NOS1: variants seen among roughly 807,000 people sequenced by gnomAD.
NOS1 encodes NOS type I.
A neutral mutation model predicts 164.5 loss-of-function variants in NOS1; 51 were observed. That is an observed-to-expected ratio of 0.31 (90% confidence interval 0.25 to 0.39). The LOEUF (loss-of-function observed/expected upper bound fraction) is 0.39. NOS1 is among the 10% of genes least tolerant of loss of function. The probability of loss-of-function intolerance (pLI) is 1.00; values close to 1 mark genes in which losing one functional copy is unlikely to be tolerated. For synonymous variants in NOS1, 719 were observed against 745.8 expected, an observed-to-expected ratio of 0.96 and a Z score of 0.59; for missense variants, 1,362 against 1,885.6, an observed-to-expected ratio of 0.72 and a Z score of 5.14.
In NOS1 at chr12:117,298,277, G is replaced by C. The variant is rs572104231; in HGVS notation, c.853-7851C>G. 2.0e-5 allele frequency among the ~76,000 whole-genome samples: 3 copies of C among 152,056 alleles called. No individual in the cohort carries two copies. In the South Asian group the frequency reaches 6.3e-4, roughly 32 times the overall value. On this transcript the variant is annotated intron_variant, in intron 3 of 28. Transcript: ENST00000317775. ...GCAGGTGCAGTTCACAGTAGGGTAC[G>C]AGCTCCTATGAGAATCTAAGGCCAC...
In NOS1 at chr12:117,234,665, G is replaced by T. The variant is rs776576443; in HGVS notation, c.3135C>A (p.His1045Gln). The change falls in exon 21 of 29, where the codon CAC becomes CAA. Residue 1045 changes from histidine (H) to glutamine (Q), a missense_variant. By Grantham distance (24) the His-to-Gln change is conservative. Coordinates refer to ENST00000317775, the MANE Select transcript of NOS1 (RefSeq NM_000620.5). This position sits in a 1 kb window ranked among gnomAD's most constrained non-coding sequence, Gnocchi z 4.3. Reference protein sequence around the residue: ...GDHLGVFPGNHEDLVNALIER... With the variant: ...GDHLGVFPGNQEDLVNALIER... ...CGATCAGGGCATTCACGAGGTCCTC[G>T]TGGTTGCCAGGGAAGACACCCAGGT... 3.1e-6 allele frequency: 5 copies of T among 1,614,182 alleles called. No individual in the cohort carries two copies. The South Asian group carries it at 5.5e-5, about 18-fold the overall frequency.
intron 2 of NOS1, among the ~76,000 whole-genome samples, chr12:117,327,273 C>T (rs919154131): frequency 6.6e-5 from 10 of 152,064 alleles, no homozygotes; most frequent in Non-Finnish European, 1.5e-4. Flanking sequence ...CACTGAGGGA[C>T]AGGGAGGGTG....
chr12:117,213,658 C>T lies in NOS1; in HGVS notation c.*1651G>A. The T allele has an allele frequency of 5.1e-6, 5 of 985,402 alleles. No individual in the cohort carries two copies. Among genetic ancestry groups the T allele is most frequent in the Non-Finnish European group, 6.0e-6 (5 of 829,944 alleles). 61.0% of individuals were successfully genotyped at this position (985,402 alleles called of 1,614,324 possible). A position where few individuals can be genotyped will look rare whatever the true frequency, so the allele number is the denominator to read the frequency against. ...TTTAGCAGACACCCAAACTGAACAA[C>T]AAGATATGCCCACGTACAGTATATA... On this transcript the variant is annotated 3_prime_UTR_variant, in exon 29 of 29. Coordinates refer to ENST00000317775, the MANE Select transcript of NOS1 (RefSeq NM_000620.5).
intron 1 of NOS1, among the ~76,000 whole-genome samples, chr12:117,338,768 TC>T (rs1318499029): frequency 2.0e-5 from 3 of 152,132 alleles, no homozygotes; most frequent in Non-Finnish European, 4.4e-5. Context: ...TAAAGGTTAT[TC>T]TGGAGGAAAC....
intron 7 of NOS1, among the ~76,000 whole-genome samples, chr12:117,282,582 A>G (rs1384577097): frequency 1.3e-5 from 2 of 152,094 alleles, no homozygotes; most frequent in Non-Finnish European, 1.5e-5. Flanking sequence ...CTTGCTCTCT[A>G]CACAAGACAA....
chr12:117,359,879 TATATATATATATATATA>T (rs1877044162), intron 1 of NOS1, among the ~76,000 whole-genome samples: 2 of 24,092 alleles, frequency 8.3e-5, no homozygotes, highest in African/African-American at 2.0e-4. Context: ...AATGGTTTTA[TATATATATATATATATA>T]TATATATATA....
chr12:117,339,355 C>T (rs1232998007), intron 1 of NOS1, among the ~76,000 whole-genome samples: 3 of 152,310 alleles, frequency 2.0e-5, no homozygotes, highest in South Asian at 2.1e-4. Flanking sequence ...GTTACAAGCA[C>T]GAGCATTAAT....
chr12:117,264,865 G>A (rs1233450941), intron 12 of NOS1, among the ~76,000 whole-genome samples: 1 of 151,916 alleles, frequency 6.6e-6, no homozygotes, highest in Non-Finnish European at 1.5e-5. Context: ...CATACGCCAG[G>A]CTAATTTTTT....
intron 2 of NOS1, among the ~76,000 whole-genome samples, chr12:117,318,697 C>T (rs2077171): frequency 0.25 from 37,487 of 152,100 alleles, 5,281 homozygotes; most frequent in Non-Finnish European, 0.31. Flanking sequence ...TTATGGACCC[C>T]GAGGACCTGA....
chr12:117,229,721 T>G (rs952673948), intron 22 of NOS1, among the ~76,000 whole-genome samples: 2 of 152,106 alleles, frequency 1.3e-5, no homozygotes, highest in Non-Finnish European at 2.9e-5. Context: ...CCCGAGTAGC[T>G]GGAATTACAG....
intron 3 of NOS1, among the ~76,000 whole-genome samples, chr12:117,299,455 G>A (rs1011960824): frequency 1.3e-5 from 2 of 151,840 alleles, no homozygotes; most frequent in Non-Finnish European, 2.9e-5. Context: ...TGGCTAACAC[G>A]GTGAAACCCC....
chr12:117,264,979 A>T (rs2393207), intron 12 of NOS1, among the ~76,000 whole-genome samples: 67,901 of 151,196 alleles, frequency 0.45, 17,002 homozygotes, highest in Middle Eastern at 0.57. Flanking sequence ...CTGGGATCAC[A>T]GGTGTGACCC....
intron 1 of NOS1, among the ~76,000 whole-genome samples, chr12:117,332,672 C>T (rs1029033090): frequency 2.3e-4 from 35 of 152,286 alleles, no homozygotes; most frequent in Admixed American, 2.2e-3. Context: ...TGGGACCAGC[C>T]TGGCCAACAT....
In NOS1 at chr12:117,234,879, G is replaced by C; in HGVS notation, c.3042-121C>G. The C allele has an allele frequency of 1.4e-6, 1 of 696,482 alleles. No homozygotes were observed. 43.1% of individuals were successfully genotyped at this position (696,482 alleles called of 1,614,324 possible). A position where few individuals can be genotyped will look rare whatever the true frequency, so the allele number is the denominator to read the frequency against. ...TCCTTCCATTCTTGTTGGGGCCCGT[G>C]CTAACCAAGCCTATGCCCCCATCAT... On this transcript the variant is annotated intron_variant, in intron 20 of 28. Transcript: ENST00000317775. This position sits in a 1 kb window ranked among gnomAD's most constrained non-coding sequence, Gnocchi z 4.3.
intron 1 of NOS1, among the ~76,000 whole-genome samples, chr12:117,331,701 AC>A (rs1875555227): frequency 6.6e-6 from 1 of 152,192 alleles, no homozygotes; most frequent in East Asian, 1.9e-4. Context: ...ACCTAGTTTC[AC>A]TTCCATGATC....
intron 1 of NOS1, among the ~76,000 whole-genome samples, chr12:117,335,031 C>A (rs955821628): frequency 3.3e-5 from 5 of 152,160 alleles, no homozygotes; most frequent in Admixed American, 2.6e-4. Context: ...TTTGTAATCA[C>A]CTCGTCTCTG....
At chr12:117,236,468 C>T (rs1869720172) in intron 20 of NOS1, among the ~76,000 whole-genome samples, 1 of 152,156 alleles carries the variant, frequency 6.6e-6, no homozygotes, top group African/African-American at 2.4e-5. Flanking sequence ...TAGTGGGGAA[C>T]TTAGCGACCA....
intron 8 of NOS1, 58 bp downstream of exon 8, chr12:117,280,667 T>TG (rs200317764): frequency 2.9e-6 from 1 of 346,976 alleles, no homozygotes; most frequent in Non-Finnish European, 4.4e-6. Context: ...AAAAAGTCTG[T>TG]GGTCTGGGGA....
chr12:117,335,729 T>TGAGAGAGAGA (rs60613906), intron 1 of NOS1, among the ~76,000 whole-genome samples: 3,142 of 112,486 alleles, frequency 0.028, 290 homozygotes, highest in African/African-American at 0.044. Flanking sequence ...ACAGACTATA[T>TGAGAGAGAGA]GAGAGAGAGA....
Sources: gnomAD v4.1 joint callset for allele counts (sites outside exome capture counted in the v4.1 genomes callset) on GRCh38, gnomAD v4.1.1 for gene constraint, Gnocchi (gnomAD v3.1) non-coding constraint, MANE v1.5 for transcripts, NCBI Gene and HGNC (gene_info 2026-07-23, HGNC 2026-07-21) for gene names.